Variants in PCDHA3 observed in about 807,000 individuals in gnomAD.
PCDHA3 encodes the protein protocadherin alpha 3.
In PCDHA3, 41 loss-of-function variants were observed where a neutral mutation model predicts 62.2. That is an observed-to-expected ratio of 0.66 (90% CI 0.51 to 0.86). The LOEUF (loss-of-function observed/expected upper bound fraction) is 0.86, where lower values mean the gene tolerates loss of function less well. Ranked by LOEUF, PCDHA3 falls within the 40% of genes least tolerant of loss-of-function variation. The pLI is 0.00. For synonymous variants in PCDHA3, 640 were observed against 555.4 expected, an observed-to-expected ratio of 1.15 and a Z score of -2.14; for missense variants, 1,304 against 1,241.2, an observed-to-expected ratio of 1.05 and a Z score of -0.76.
intron 1 of PCDHA3, among the ~76,000 whole-genome samples, chr5:140,959,036 GTATGT>G (rs2095460948): frequency 6.6e-6 from 1 of 152,032 alleles, no homozygotes; most frequent in African/African-American, 2.4e-5. Flanking sequence ...TCATGGGTAT[GTATGT>G]ATAGGAAAAA....
chr5:140,908,848 C>T (rs949816953), intron 1 of PCDHA3, among the ~76,000 whole-genome samples: 4 of 152,126 alleles, frequency 2.6e-5, no homozygotes, highest in East Asian at 3.9e-4. Context: ...GAGTAACATA[C>T]CCAAATGAGG....
At chr5:140,877,093 G>C in intron 1 of PCDHA3, 1 of 1,613,296 alleles carries the variant, frequency 6.2e-7, no homozygotes, top group Non-Finnish European at 8.5e-7. Context: ...GCGCGACGCC[G>C]GCGTGCCGCC....
At chr5:140,933,043 TTACAG>T (rs2088815102) in intron 1 of PCDHA3, among the ~76,000 whole-genome samples, 1 of 151,992 alleles carries the variant, frequency 6.6e-6, no homozygotes, top group Admixed American at 6.5e-5. Flanking sequence ...TGAATATGGA[TTACAG>T]TCCAGGATCC....
At position 140,941,246 on chromosome 5, in the gene PCDHA3, T is replaced by TCCTTC. The variant is rs1465255424; in HGVS notation, c.2395-37702_2395-37701insCTTCC. Among the ~76,000 whole-genome samples, 4 of 141,078 alleles carry TCCTTC rather than the reference T, an allele frequency of 2.8e-5. No individual in the cohort carries two copies. In the East Asian group the frequency reaches 8.2e-4, roughly 29 times the overall value. 92.6% of individuals were successfully genotyped at this position (141,078 alleles called of 152,430 possible). On this transcript the variant is annotated intron_variant, in intron 1 of 3. Coordinates refer to ENST00000522353, the MANE Select transcript of PCDHA3 (RefSeq NM_018906.3). Reference sequence around the variant, plus strand: ...TTCTTTCTTTCTTTCTTTCTTTCTTTCTTTCTTTCTCTTTCTTTCTTTCTT... The same window carrying TCCTTC: ...TTCTTTCTTTCTTTCTTTCTTTCTTTCCTTCCTTTCTTTCTCTTTCTTTCTTTCTT...
chr5:140,829,472 A>C (rs1281659307), intron 1 of PCDHA3: 2 of 1,613,698 alleles, frequency 1.2e-6, no homozygotes, highest in Non-Finnish European at 8.5e-7. Flanking sequence ...GCCCGAGTAC[A>C]CAGTGTTCGT....
chr5:141,010,315 T>G lies in PCDHA3; in HGVS notation c.*378T>G. ...AGGGCAGGCTGAAAAGTTTTGAGAT[T>G]GAGCAGCTTGGGAGTTTGTGGCCAC... On this transcript the variant is annotated 3_prime_UTR_variant, in exon 4 of 4. Transcript: ENST00000522353. 2.6e-6 allele frequency: 4 copies of G among 1,546,626 alleles called. No homozygotes were observed. Among genetic ancestry groups the G allele is most frequent in the Non-Finnish European group, 3.5e-6 (4 of 1,145,530 alleles).
chr5:140,963,964 C>T (rs1207514831), intron 1 of PCDHA3, among the ~76,000 whole-genome samples: 1 of 152,182 alleles, frequency 6.6e-6, no homozygotes, highest in Non-Finnish European at 1.5e-5. Flanking sequence ...AGGAGTGTGA[C>T]TGACTCCAAA....
intron 1 of PCDHA3, chr5:140,968,266 G>A: frequency 6.2e-7 from 1 of 1,614,080 alleles, no homozygotes; most frequent in Non-Finnish European, 8.5e-7. Context: ...ATGAAAAGGA[G>A]AATGCAGAGG....
chr5:140,886,689 G>T (rs1267444522), intron 1 of PCDHA3, among the ~76,000 whole-genome samples: 1 of 152,022 alleles, frequency 6.6e-6, no homozygotes, highest in Admixed American at 6.5e-5. Context: ...AGCGAGGCAT[G>T]GTGGCACGCG....
chr5:140,996,130 G>A (rs1185857732), intron 3 of PCDHA3, among the ~76,000 whole-genome samples: 2 of 152,162 alleles, frequency 1.3e-5, no homozygotes, highest in African/African-American at 4.8e-5. Flanking sequence ...GGTGTAGAGG[G>A]TTCTCCCATT....
intron 1 of PCDHA3, chr5:140,807,162 T>A: frequency 6.3e-7 from 1 of 1,594,640 alleles, no homozygotes; most frequent in Non-Finnish European, 8.5e-7. Flanking sequence ...CGATATTTAA[T>A]CAGAACAAAA....
At chr5:140,968,665 T>C (rs782078145) in intron 1 of PCDHA3, 4 of 1,614,042 alleles carry the variant, frequency 2.5e-6, no homozygotes, top group Non-Finnish European at 3.4e-6. Context: ...TGGACCTCTT[T>C]AAGGTAGAGC....
chr5:140,969,464 C>A, intron 1 of PCDHA3: 1 of 1,491,558 alleles, frequency 6.7e-7, no homozygotes. Flanking sequence ...ATATAGTATC[C>A]ACAATTTGAT....
chr5:140,849,774 G>GTA (rs2150449432), intron 1 of PCDHA3: 1 of 1,598,482 alleles, frequency 6.3e-7, no homozygotes, highest in Non-Finnish European at 8.6e-7. Context: ...GGTGGTTACC[G>GTA]CGCGGGACGG....
intron 1 of PCDHA3, chr5:140,851,727 T>C (rs1216544821): frequency 1.0e-6 from 1 of 969,522 alleles, no homozygotes; most frequent in Non-Finnish European, 1.2e-6. Flanking sequence ...AACTTCGAGT[T>C]CTTTTGAAAT....
intron 3 of PCDHA3, among the ~76,000 whole-genome samples, chr5:140,993,418 C>A (rs59434300): frequency 6.6e-5 from 10 of 151,302 alleles, no homozygotes; most frequent in Non-Finnish European, 1.5e-4. Context: ...ATCAGCATTT[C>A]TCTTTTAAAA....
intron 3 of PCDHA3, among the ~76,000 whole-genome samples, chr5:140,999,591 C>T (rs2153957965): frequency 1.3e-5 from 2 of 152,208 alleles, no homozygotes; most frequent in South Asian, 4.2e-4. Flanking sequence ...AATTGCCTTC[C>T]CTACATCCTG....
chr5:140,808,323 T>C (rs1764144511), intron 1 of PCDHA3: 5 of 1,614,264 alleles, frequency 3.1e-6, no homozygotes, highest in Non-Finnish European at 4.2e-6. Context: ...GACAAAGACA[T>C]GGGTGTCAAT....
chr5:140,891,418 C>G (rs2063090538), intron 1 of PCDHA3, among the ~76,000 whole-genome samples: 1 of 146,594 alleles, frequency 6.8e-6, no homozygotes, highest in Non-Finnish European at 1.5e-5. Flanking sequence ...CCACTCTTGC[C>G]CCCAAGTCCC....
Sources: allele counts gnomAD v4.1 joint callset (sites outside exome capture counted in the v4.1 genomes callset), GRCh38; gene constraint gnomAD v4.1.1; transcripts MANE v1.5; gene names NCBI Gene and HGNC (gene_info 2026-07-23, HGNC 2026-07-21).